The following MRC1 variants were observed in gnomAD, a reference collection of about 807,000 sequenced individuals.
The protein encoded by MRC1 is macrophage mannose receptor 1.
Under a neutral mutation model 102.9 loss-of-function variants are expected in MRC1, and 62 were observed. That is an observed-to-expected ratio of 0.60 (90% CI 0.49 to 0.74). The LOEUF is 0.74. Ranked by LOEUF, MRC1 falls within the 30% of genes least tolerant of loss-of-function variation. MRC1 has a pLI of 0.00. For synonymous variants in MRC1, 457 were observed against 298.4 expected, an observed-to-expected ratio of 1.53 and a Z score of -5.48; for missense variants, 1,237 against 862.8, an observed-to-expected ratio of 1.43 and a Z score of -5.43.
Position 17,910,142 on chromosome 10 carries a change from A to G in MRC1, c.4121-73A>G, listed in dbSNP as rs1350160645. On this transcript the variant is annotated intron_variant, in intron 29 of 29. Transcript: ENST00000569591. Reference sequence around the variant, plus strand: ...TATTTATGCCTTTTAGTTTTTCAACAAGCGAAGTTCTGCATAGCATGCAAC... The same window carrying G: ...TATTTATGCCTTTTAGTTTTTCAACGAGCGAAGTTCTGCATAGCATGCAAC... 4 of 771,266 alleles carry G rather than the reference A, an allele frequency of 5.2e-6. No individual in the cohort carries two copies. The Admixed American group carries it at 6.9e-5, about 13-fold the overall frequency. The allele number at this position is 771,266 out of a possible 1,614,324, so 47.8% of individuals were successfully genotyped here.
intron 11 of MRC1, chr10:17,865,442 G>A (rs1471268733): frequency 6.6e-6 from 1 of 152,268 alleles, no homozygotes; most frequent in Non-Finnish European, 1.5e-5. Flanking sequence ...AACTTTGCCT[G>A]TGGTGTCATC....
At chr10:17,892,829 G>A (rs1261841855) in intron 22 of MRC1, among the ~76,000 whole-genome samples, 2 of 151,792 alleles carry the variant, frequency 1.3e-5, no homozygotes, top group Non-Finnish European at 2.9e-5. Flanking sequence ...GGCCAACATG[G>A]TGAAACCCCA....
intron 9 of MRC1, among the ~76,000 whole-genome samples, chr10:17,857,296 G>T (rs1833106929): frequency 6.6e-6 from 1 of 152,164 alleles, no homozygotes; most frequent in Non-Finnish European, 1.5e-5. Context: ...TAGAACCCAG[G>T]TCTCCTGTCC....
rs34409320 is a variant in MRC1 at position 17,845,213 on chromosome 10, T to A, written c.917-76T>A. The A allele has an allele frequency of 1.8e-3, 1,425 of 780,488 alleles. 15 individuals are homozygous for A. The African/African-American group carries it at 0.021, about 11-fold the overall frequency. The allele number at this position is 780,488 out of a possible 1,614,324, so 48.3% of individuals were successfully genotyped here. On this transcript the variant is annotated intron_variant, in intron 5 of 29. Coordinates refer to ENST00000569591, the MANE Select transcript of MRC1 (RefSeq NM_002438.4). ...CCATTGAATCCCCAGGATGAAGACA[T>A]GAGGAGACGTGGGAGGGATGCTATC...
At chr10:17,876,377 A>G (rs985034140) in intron 17 of MRC1, among the ~76,000 whole-genome samples, 1 of 151,654 alleles carries the variant, frequency 6.6e-6, no homozygotes, top group East Asian at 1.9e-4. Flanking sequence ...CCTTCTGAGT[A>G]GCTGGGACTA....
chr10:17,851,469 T>C (rs1838915833), intron 7 of MRC1, among the ~76,000 whole-genome samples: 1 of 152,160 alleles, frequency 6.6e-6, no homozygotes. Context: ...ACACGTAAGT[T>C]ATGATTATAC....
At chr10:17,824,202 G>T in intron 2 of MRC1, among the ~76,000 whole-genome samples, 1 of 152,122 alleles carries the variant, frequency 6.6e-6, no homozygotes, top group Non-Finnish European at 1.5e-5. Flanking sequence ...TCACTATCTG[G>T]TGGCTGCACA....
At chr10:17,869,103 A>G (rs1833319503) in intron 12 of MRC1, among the ~76,000 whole-genome samples, 1 of 152,170 alleles carries the variant, frequency 6.6e-6, no homozygotes, top group African/African-American at 2.4e-5. Flanking sequence ...TTTCGGGTGG[A>G]TGTTCAACAA....
In MRC1 at chr10:17,898,208, C is replaced by G; in HGVS notation, c.3425C>G (p.Ala1142Gly). The G allele has an allele frequency of 1.3e-6, 1 of 780,802 alleles. No individual in the cohort carries two copies. The highest frequency in any genetic ancestry group is 2.4e-6 in the Non-Finnish European group (1 of 417,942). 48.4% of individuals were successfully genotyped at this position (780,802 alleles called of 1,614,324 possible). Residue 1142 changes from alanine to glycine, a missense_variant, in exon 24 of 30, where the codon GCG (alanine) becomes GGG (glycine). Transcript: ENST00000569591. ...SILDPYSNAF[A>G]WLQMETSNER... ...CTGGATCCCTACAGTAATGCATTTGCGTGGCTGCAGATGGAAACATCTAAT... is the reference window on the plus strand; with the variant it reads ...CTGGATCCCTACAGTAATGCATTTGGGTGGCTGCAGATGGAAACATCTAAT...
At chr10:17,846,955 G>T (rs958614895) in intron 6 of MRC1, among the ~76,000 whole-genome samples, 22 of 152,322 alleles carry the variant, frequency 1.4e-4, no homozygotes, top group Admixed American at 1.4e-3. Context: ...AAGTGGAATT[G>T]TTGGATTAGG....
chr10:17,828,346 T>A (rs1346118695), intron 3 of MRC1, among the ~76,000 whole-genome samples: 1 of 151,372 alleles, frequency 6.6e-6, no homozygotes, highest in Non-Finnish European at 1.5e-5. Flanking sequence ...AAGTGTTGGG[T>A]TTACAGGCAT....
At chr10:17,819,850 T>A (rs1838369322) in intron 1 of MRC1, among the ~76,000 whole-genome samples, 1 of 151,960 alleles carries the variant, frequency 6.6e-6, no homozygotes, top group Admixed American at 6.6e-5. Flanking sequence ...GAGGCTGAAG[T>A]GGCAGGATCG....
At chr10:17,834,343 A>T (rs1554839306) in intron 4 of MRC1, among the ~76,000 whole-genome samples, 1 of 152,088 alleles carries the variant, frequency 6.6e-6, no homozygotes, top group Non-Finnish European at 1.5e-5. Flanking sequence ...AGGCTCTACC[A>T]GTTTTCAGGT....
chr10:17,847,234 G>C (rs1215920261), intron 6 of MRC1, among the ~76,000 whole-genome samples: 1 of 152,172 alleles, frequency 6.6e-6, no homozygotes, highest in African/African-American at 2.4e-5. Flanking sequence ...GAGGAGAATA[G>C]TTACTTTATA....
intron 1 of MRC1, among the ~76,000 whole-genome samples, chr10:17,818,563 C>T (rs1011382474): frequency 4.2e-4 from 64 of 152,296 alleles, no homozygotes; most frequent in Non-Finnish European, 6.9e-4. Context: ...AATCCCAACA[C>T]GTTGGGAGGC....
intron 22 of MRC1, among the ~76,000 whole-genome samples, chr10:17,887,021 TTAA>T (rs2130700066): frequency 6.6e-6 from 1 of 152,288 alleles, no homozygotes; most frequent in Non-Finnish European, 1.5e-5. Context: ...TTTATGACCA[TTAA>T]TAATTTGGTA....
rs1222602576 is a variant in MRC1, at chr10:17,856,320, G to C, written c.1486G>C (p.Glu496Gln). The change falls in exon 9 of 30, where the codon GAA becomes CAA. Residue 496 changes from glutamate (E) to glutamine (Q), a missense_variant. By Grantham distance (29) the Glu-to-Gln change is conservative. Coordinates refer to ENST00000569591, the MANE Select transcript of MRC1 (RefSeq NM_002438.4). ...GATGAAATCACGAAGCCAAGGTCCA[G>C]AAATAGTGGAAGTCGAAAAAGGCTG... ...CKMKSRSQGP[E>Q]IVEVEKGCRK... 3 of 859,354 alleles carry C rather than the reference G, an allele frequency of 3.5e-6. No individual in the cohort carries two copies. The highest frequency in any genetic ancestry group is 3.3e-5 in the African/African-American group (2 of 61,064). 53.2% of individuals were successfully genotyped at this position (859,354 alleles called of 1,614,324 possible).
At chr10:17,845,945 T>C (rs1838819691) in intron 6 of MRC1, among the ~76,000 whole-genome samples, 1 of 152,248 alleles carries the variant, frequency 6.6e-6, no homozygotes, top group Non-Finnish European at 1.5e-5. Context: ...AGTCTCATTC[T>C]GTCACCCAGG....
At chr10:17,906,845 T>G (rs970959816) in intron 26 of MRC1, 41 bp from the exon 27 acceptor site, 4 of 780,462 alleles carry the variant, frequency 5.1e-6, no homozygotes, top group Admixed American at 3.4e-5. Flanking sequence ...TTCAGCTACT[T>G]AAATGTGCAG....
Sources: gnomAD v4.1 joint callset for allele counts (sites outside exome capture counted in the v4.1 genomes callset) on GRCh38, gnomAD v4.1.1 for gene constraint, MANE v1.5 for transcripts, NCBI Gene and HGNC (gene_info 2026-07-23, HGNC 2026-07-21) for gene names.